The following DLGAP2 variants were observed in gnomAD, a reference collection of about 807,000 sequenced individuals.
DLGAP2 encodes disks large-associated protein 2.
In DLGAP2, 26 loss-of-function variants were observed where a neutral mutation model predicts 100.3. That is an observed-to-expected ratio of 0.26 (90% CI 0.19 to 0.36). The LOEUF is 0.36. Among genes scored for constraint, DLGAP2 ranks in the 10% least tolerant of loss-of-function variants. The pLI, the probability that DLGAP2 is intolerant of heterozygous loss-of-function variation, is 1.00. For missense variants in DLGAP2, 1,858 were observed against 1,453.2 expected (o/e 1.28, Z -4.53); for synonymous variants, 886 against 630.1 (o/e 1.41, Z -6.08).
chr8:1,053,423 C>T (rs757361206), intron 2 of DLGAP2, among the ~76,000 whole-genome samples: 32 of 152,134 alleles, frequency 2.1e-4, no homozygotes, highest in Admixed American at 3.9e-4. Flanking sequence ...GCTTGATCTC[C>T]ACAGAGAAGG....
At chr8:1,028,710 A>G (rs1801889377) in intron 2 of DLGAP2, among the ~76,000 whole-genome samples, 2 of 152,218 alleles carry the variant, frequency 1.3e-5, no homozygotes, top group African/African-American at 4.8e-5. Context: ...TGGAGTTAAG[A>G]TGGGTCACTG....
intron 1 of DLGAP2, among the ~76,000 whole-genome samples, chr8:835,491 A>G (rs1198351846): frequency 8.1e-6 from 1 of 124,136 alleles, no homozygotes; most frequent in Non-Finnish European, 1.7e-5. Flanking sequence ...CCCTCTCTCC[A>G]TCCTCCTCTC....
intron 2 of DLGAP2, among the ~76,000 whole-genome samples, chr8:1,198,409 T>C (rs936205642): frequency 6.6e-6 from 1 of 152,108 alleles, no homozygotes; most frequent in Admixed American, 6.5e-5. Flanking sequence ...CTGGACCTTG[T>C]GTCCTGGGTG....
At chr8:1,505,605 G>T (rs1297044259) in intron 4 of DLGAP2, among the ~76,000 whole-genome samples, 1 of 152,150 alleles carries the variant, frequency 6.6e-6, no homozygotes, top group Non-Finnish European at 1.5e-5. Flanking sequence ...GTGAAATATA[G>T]GAGGATAAGG....
At chr8:1,033,810 C>G (rs1802045550) in intron 2 of DLGAP2, among the ~76,000 whole-genome samples, 2 of 147,592 alleles carry the variant, frequency 1.4e-5, no homozygotes, top group African/African-American at 5.0e-5. Flanking sequence ...CCGCGTGTCA[C>G]CGCGAGTGGA....
At chr8:1,379,451 C>T (rs1397921968) in intron 3 of DLGAP2, 1 of 152,290 alleles carries the variant, frequency 6.6e-6, no homozygotes, top group African/African-American at 2.4e-5. Flanking sequence ...CAGCCTCCGT[C>T]TGCCGAGGCC....
chr8:1,267,637 G>GAAAAAA (rs1382093781), intron 3 of DLGAP2, among the ~76,000 whole-genome samples: 1 of 91,980 alleles, frequency 1.1e-5, no homozygotes, highest in African/African-American at 4.3e-5. Flanking sequence ...TATTAAATAG[G>GAAAAAA]TCTACAAAAA....
chr8:1,095,208 A>G (rs1038954023), intron 2 of DLGAP2, among the ~76,000 whole-genome samples: 24 of 152,228 alleles, frequency 1.6e-4, no homozygotes, highest in Admixed American at 2.0e-4. Context: ...TCATTTTTAA[A>G]TTGGTGAACA....
chr8:1,351,526 A>C (rs1418858553), intron 3 of DLGAP2, among the ~76,000 whole-genome samples: 2 of 60,816 alleles, frequency 3.3e-5, no homozygotes, highest in African/African-American at 9.7e-5. Context: ...GTGTGTGGAA[A>C]GGCCGTGTGG....
chr8:1,391,773 C>T (rs541398526), intron 3 of DLGAP2, among the ~76,000 whole-genome samples: 1 of 152,346 alleles, frequency 6.6e-6, no homozygotes, highest in South Asian at 2.1e-4. Context: ...TTGAAGAAAA[C>T]ACCCTTTCTC....
chr8:1,178,714 T>A (rs1797314069), intron 2 of DLGAP2, among the ~76,000 whole-genome samples: 1 of 152,328 alleles, frequency 6.6e-6, no homozygotes, highest in African/African-American at 2.4e-5. Context: ...TAGCAACTGC[T>A]GGGCAGTGCT....
chr8:1,486,937 C>T, intron 3 of DLGAP2, among the ~76,000 whole-genome samples: 1 of 152,186 alleles, frequency 6.6e-6, no homozygotes, highest in South Asian at 2.1e-4. Flanking sequence ...CCCAGGGAGA[C>T]CAGCCACGTG....
At chr8:1,061,923 G>A (rs1283498665) in intron 2 of DLGAP2, among the ~76,000 whole-genome samples, 3 of 152,082 alleles carry the variant, frequency 2.0e-5, no homozygotes, top group Non-Finnish European at 4.4e-5. Flanking sequence ...CATGTCGTCA[G>A]CACTGTGACG....
chr8:768,517 T>C (rs184615943), intron 1 of DLGAP2, among the ~76,000 whole-genome samples: 2,726 of 147,748 alleles, frequency 0.018, 64 homozygotes, highest in African/African-American at 0.065. Context: ...CTCCACCTCC[T>C]GGGTTCAAGT....
intron 3 of DLGAP2, among the ~76,000 whole-genome samples, chr8:1,409,681 G>A (rs1796675769): frequency 6.6e-6 from 1 of 152,162 alleles, no homozygotes; most frequent in African/African-American, 2.4e-5. Context: ...CAGGGAATGA[G>A]TAAAGCAGAC....
intron 2 of DLGAP2, among the ~76,000 whole-genome samples, chr8:968,077 C>A (rs771646572): frequency 4.6e-5 from 7 of 151,502 alleles, no homozygotes; most frequent in Non-Finnish European, 8.8e-5. Flanking sequence ...CCTGTCTTCC[C>A]AATTTTTCTT....
chr8:1,412,929 A>G (rs1485168113), intron 3 of DLGAP2, among the ~76,000 whole-genome samples: 2 of 152,168 alleles, frequency 1.3e-5, no homozygotes, highest in Non-Finnish European at 2.9e-5. Flanking sequence ...CCTGCTGGGA[A>G]AATTCCTTCA....
At chr8:1,300,439 G>C (rs1211383142) in intron 3 of DLGAP2, 1 of 152,232 alleles carries the variant, frequency 6.6e-6, no homozygotes, top group African/African-American at 2.4e-5. Flanking sequence ...ATGCATAACA[G>C]GAGGTGAATG....
intron 1 of DLGAP2, among the ~76,000 whole-genome samples, chr8:768,935 G>T (rs1821286873): frequency 6.6e-6 from 1 of 152,134 alleles, no homozygotes; most frequent in African/African-American, 2.4e-5. Flanking sequence ...GGCTGGCTCT[G>T]GTCTGAACCT....
Sources: allele counts gnomAD v4.1 joint callset (sites outside exome capture counted in the v4.1 genomes callset), GRCh38; gene constraint gnomAD v4.1.1; transcripts MANE v1.5; gene names NCBI Gene and HGNC (gene_info 2026-07-23, HGNC 2026-07-21).